Variants in NEDD9 observed in about 807,000 individuals in gnomAD.
NEDD9 encodes the protein enhancer of filamentation 1.
NEDD9 carries 26 observed loss-of-function variants against 76.6 expected under a neutral mutation model. The observed-to-expected ratio is 0.34, with a 90% CI of 0.25 to 0.47. The LOEUF is 0.47. Among genes scored for constraint, NEDD9 ranks in the 20% least tolerant of loss-of-function variants. The pLI is 1.00. For missense variants in NEDD9, 937 were observed against 1,058.5 expected, an observed-to-expected ratio of 0.89 and a Z score of 1.59; for synonymous variants, 392 against 414.2, an observed-to-expected ratio of 0.95 and a Z score of 0.65.
chr6:11,212,005 T>G (rs1758799444), intron 2 of NEDD9, among the ~76,000 whole-genome samples: 1 of 152,014 alleles, frequency 6.6e-6, no homozygotes, highest in Admixed American at 6.5e-5. Flanking sequence ...CAAAAATGCA[T>G]TAGTGCTTTC....
intron 1 of NEDD9, among the ~76,000 whole-genome samples, chr6:11,381,843 A>G (rs1763067585): frequency 6.6e-6 from 1 of 152,232 alleles, no homozygotes; most frequent in Non-Finnish European, 1.5e-5. Flanking sequence ...CTCTGACGAC[A>G]GTAGGAAGAG....
At position 11,198,462 on chromosome 6, in the gene NEDD9, T is replaced by C. The variant is rs1758346072; in HGVS notation, c.460-4770A>G. 6.6e-6 allele frequency: 1 copy of C among 152,292 alleles called. No homozygotes were observed. Among genetic ancestry groups the C allele is most frequent in the African/African-American group, 2.4e-5 (1 of 41,438 alleles). 9.4% of individuals were successfully genotyped at this position (152,292 alleles called of 1,614,324 possible). On this transcript the variant is annotated intron_variant, in intron 2 of 6. Transcript: ENST00000379446. The surrounding 1 kb of genome is among the most constrained non-coding windows in gnomAD (Gnocchi z 4.7). Reference sequence around the variant, plus strand: ...AGATGCTCTTCTTTCTTTCCTCATATTCAAACTTTAATTGATTTTCAAGGC... The same window carrying C: ...AGATGCTCTTCTTTCTTTCCTCATACTCAAACTTTAATTGATTTTCAAGGC...
At chr6:11,354,384 C>T (rs770531407) in intron 1 of NEDD9, among the ~76,000 whole-genome samples, 2 of 152,172 alleles carry the variant, frequency 1.3e-5, no homozygotes, top group Non-Finnish European at 2.9e-5. Context: ...GATGGAGTCC[C>T]ATGGGTTCTG....
rs113835586 is a variant in NEDD9 at position 11,278,190 on chromosome 6, A to G, written c.12+27802T>C. On this transcript the variant is annotated intron_variant, in intron 3 of 3. Coordinates refer to the NEDD9 transcript ENST00000397378. ...TCACTCGCCAGCCTCTGGGAACCAC[A>G]GTAGCCTTGAATTGCGCTCTTTTCC... Among the ~76,000 whole-genome samples the G allele has an allele frequency of 3.5e-3, 536 of 152,262 alleles. 2 individuals carry two copies. The highest frequency in any genetic ancestry group is 0.012 in the African/African-American group (508 of 41,538).
At chr6:11,339,100 T>C (rs1762223286) in intron 1 of NEDD9, among the ~76,000 whole-genome samples, 1 of 152,110 alleles carries the variant, frequency 6.6e-6, no homozygotes. Flanking sequence ...AGCTACCCAA[T>C]TTCCCTCCCC....
In NEDD9 at chr6:11,232,526, G is replaced by A. The variant is rs1216653479; in HGVS notation, c.-11C>T. 1 of 1,614,210 alleles carries A rather than the reference G, an allele frequency of 6.2e-7. No individual in the cohort carries two copies. The highest frequency in any genetic ancestry group is 8.5e-7 in the Non-Finnish European group (1 of 1,180,038). On this transcript the variant is annotated 5_prime_UTR_variant, in exon 1 of 7. Transcript: ENST00000379446. ...TACCTTATACTTCATTTCGGCAGCG[G>A]TGGGTTGAGCCGTTTTCCTACACTA...
At chr6:11,339,183 C>T (rs191931323) in intron 1 of NEDD9, among the ~76,000 whole-genome samples, 406 of 152,164 alleles carry the variant, frequency 2.7e-3, no homozygotes, top group African/African-American at 9.5e-3. Flanking sequence ...AATTGTCATA[C>T]ACTATATAAT....
chr6:11,372,951 A>T (rs1006063267), intron 1 of NEDD9, among the ~76,000 whole-genome samples: 1 of 152,166 alleles, frequency 6.6e-6, no homozygotes, highest in East Asian at 1.9e-4. Context: ...ACATAAACCA[A>T]TGTCTTTATT....
At position 11,358,060 on chromosome 6, in the gene NEDD9, C is replaced by T. The variant is rs979566837; in HGVS notation, c.-213-23499G>A. ...GTCAGGAGATCGAGATCATCCTGGCCAACATGGTGAAACCCCGTCTCTACT... is the reference window on the plus strand; with the variant it reads ...GTCAGGAGATCGAGATCATCCTGGCTAACATGGTGAAACCCCGTCTCTACT... On this transcript the variant is annotated intron_variant, in intron 1 of 3. Transcript: ENST00000397378. 6.6e-5 allele frequency among the ~76,000 whole-genome samples: 10 copies of T among 152,060 alleles called. No individual in the cohort carries two copies. The South Asian group carries it at 8.3e-4, about 13-fold the overall frequency.
At chr6:11,295,325 C>A (rs1020931604) in intron 3 of NEDD9, among the ~76,000 whole-genome samples, 1 of 152,154 alleles carries the variant, frequency 6.6e-6, no homozygotes, top group African/African-American at 2.4e-5. Flanking sequence ...ACTGTTAACC[C>A]ATTATCAGAT....
intron 3 of NEDD9, among the ~76,000 whole-genome samples, chr6:11,279,503 G>A (rs898403080): frequency 1.3e-5 from 2 of 152,202 alleles, no homozygotes; most frequent in Non-Finnish European, 2.9e-5. Context: ...GCGGTCTCCC[G>A]GTTGTTATTG....
chr6:11,258,581 T>C (rs1760049959), intron 3 of NEDD9: 1 of 152,198 alleles, frequency 6.6e-6, no homozygotes. Context: ...TCCTGTAATC[T>C]GAACTACAGG....
chr6:11,186,129 C>T (rs1034835066), intron 6 of NEDD9, among the ~76,000 whole-genome samples: 2 of 152,064 alleles, frequency 1.3e-5, no homozygotes, highest in African/African-American at 4.8e-5. Flanking sequence ...GAGAAAGCCT[C>T]GACTATCTCA....
rs188050421 is a variant in NEDD9 at position 11,186,704 on chromosome 6, G to A, written c.1996-1033C>T. Among the ~76,000 whole-genome samples the A allele has an allele frequency of 1.6e-3, 241 of 152,138 alleles. 2 individuals are homozygous for A. Among genetic ancestry groups the A allele is most frequent in the African/African-American group, 5.1e-3 (212 of 41,500 alleles). ...ACGATCTTGGCTCACTGCAAGCTCC[G>A]CCTCCCAGGTTCACACCATTCTCCT... is the stretch of plus-strand genomic sequence containing the variant. On this transcript the variant is annotated intron_variant, in intron 6 of 6. Coordinates refer to ENST00000379446, the MANE Select transcript of NEDD9 (RefSeq NM_006403.4).
chr6:11,265,205 C>T (rs116011256), intron 3 of NEDD9, among the ~76,000 whole-genome samples: 2,364 of 152,268 alleles, frequency 0.016, 60 homozygotes, highest in African/African-American at 0.052. Flanking sequence ...TATGAAACTA[C>T]GGGATAATGA....
Position 11,190,052 on chromosome 6 carries a change from C to T in NEDD9, c.1817G>A (p.Gly606Asp), listed in dbSNP as rs755003774. 5.0e-6 allele frequency: 8 copies of T among 1,588,278 alleles called. No homozygotes were observed. Among genetic ancestry groups the T allele is most frequent in the Middle Eastern group, 3.4e-4 (2 of 5,912 alleles). The change falls in exon 5 of 7, where the codon GGC (glycine) becomes GAC (aspartate). Residue 606 changes from glycine to aspartate, a missense_variant. Physicochemically the swap from Gly to Asp is moderately conservative, Grantham distance 94. Transcript: ENST00000379446. This position sits in a 1 kb window ranked among gnomAD's most constrained non-coding sequence, Gnocchi z 5.8. ...GTCAGGGGCCTGCTCCTTGCTCAGG[C>T]CTGGGGGCAGTGCCTTGTTGTGGGC... ...AQAHNKALPP[G>D]LSKEQAPDCS... is the part of the protein sequence containing the mutation.
At chr6:11,283,552 A>C (rs1016059969) in intron 3 of NEDD9, among the ~76,000 whole-genome samples, 3 of 152,176 alleles carry the variant, frequency 2.0e-5, no homozygotes, top group Non-Finnish European at 2.9e-5. Context: ...CTCTCTAGCA[A>C]TAGTCACCAC....
chr6:11,260,487 G>A (rs1166622979), intron 3 of NEDD9, among the ~76,000 whole-genome samples: 2 of 152,204 alleles, frequency 1.3e-5, no homozygotes, highest in Non-Finnish European at 1.5e-5. Context: ...ATAAGATGTT[G>A]TCACAATAGA....
intron 1 of NEDD9, among the ~76,000 whole-genome samples, chr6:11,356,277 A>G (rs76442418): frequency 0.02 from 3,058 of 152,256 alleles, 100 homozygotes; most frequent in South Asian, 0.14. Flanking sequence ...GGATCCTAAG[A>G]GTCACCTGGG....
Sources: allele counts gnomAD v4.1 joint callset (sites outside exome capture counted in the v4.1 genomes callset), GRCh38; gene constraint gnomAD v4.1.1; non-coding constraint Gnocchi (gnomAD v3.1); transcripts MANE v1.5; gene names NCBI Gene and HGNC (gene_info 2026-07-23, HGNC 2026-07-21).